The following CDHR2 variants were observed in gnomAD, a reference collection of about 807,000 sequenced individuals.
CDHR2 encodes the protein cadherin-related family member 2.
In CDHR2, 104 loss-of-function variants were observed where a neutral mutation model predicts 138.6. The observed-to-expected ratio is 0.75, with a 90% confidence interval of 0.64 to 0.88. The LOEUF is 0.88. Ranked by LOEUF, CDHR2 falls within the 40% of genes least tolerant of loss-of-function variation. The pLI, the probability that CDHR2 is intolerant of heterozygous loss-of-function variation, is 0.00. For missense variants in CDHR2, 1,624 were observed against 1,727.6 expected, an observed-to-expected ratio of 0.94 and a Z score of 1.06; for synonymous variants, 755 against 742.8, an observed-to-expected ratio of 1.02 and a Z score of -0.27.
chr5:176,571,905 T>C (rs1758244185), intron 6 of CDHR2, among the ~76,000 whole-genome samples: 1 of 152,012 alleles, frequency 6.6e-6, no homozygotes, highest in Admixed American at 6.6e-5. Context: ...TCAAATCATA[T>C]CTTGATTTGA....
In CDHR2 at chr5:176,581,404, G is replaced by GC; in HGVS notation, c.1884dup (p.Tyr629LeufsTer10). 1 of 1,614,098 alleles carries GC rather than the reference G, an allele frequency of 6.2e-7. No homozygotes were observed. Among genetic ancestry groups the GC allele is most frequent in the South Asian group, 1.1e-5 (1 of 91,084 alleles). ...CGTCTGCTCTTCAACCTGCTGCCTG[G>GC]CCCCTACAGCCACAACTTCTCCTTG... On this transcript the variant is annotated frameshift_variant, in exon 17 of 32. Transcript: ENST00000261944. LOFTEE classifies it high-confidence loss of function.
chr5:176,591,626 G>C (rs1184055577), intron 30 of CDHR2, 142 bp downstream of exon 30: 2 of 676,802 alleles, frequency 3.0e-6, no homozygotes, highest in Non-Finnish European at 2.7e-6. Context: ...TTATGGTGGT[G>C]GTGGTGATGG....
chr5:176,562,669 A>G (rs1757991635), intron 1 of CDHR2, among the ~76,000 whole-genome samples: 1 of 152,138 alleles, frequency 6.6e-6, no homozygotes. Context: ...CTAGAAAAAG[A>G]GAGGGGACCA....
chr5:176,587,769 G>A (rs984194414), intron 21 of CDHR2, among the ~76,000 whole-genome samples: 4 of 152,288 alleles, frequency 2.6e-5, no homozygotes, highest in South Asian at 4.2e-4. Context: ...ACTTAGAGCC[G>A]AGTGTAAGGA....
intron 1 of CDHR2, among the ~76,000 whole-genome samples, chr5:176,564,337 C>T (rs987685025): frequency 2.6e-5 from 4 of 152,210 alleles, no homozygotes; most frequent in Non-Finnish European, 2.9e-5. Context: ...AGGCACCCAC[C>T]ACCATGCCCG....
At chr5:176,545,842 C>T (rs1757574939), upstream of CDHR2, among the ~76,000 whole-genome samples, 1 of 152,246 alleles carries the variant, frequency 6.6e-6, no homozygotes. Context: ...CTGTGTGCTT[C>T]CCAGGCTGCC....
chr5:176,587,047 G>A (rs113641713), intron 21 of CDHR2, among the ~76,000 whole-genome samples: 4,202 of 152,332 alleles, frequency 0.028, 189 homozygotes, highest in African/African-American at 0.096. Flanking sequence ...TGTCATGACC[G>A]TAAATACCAC....
intron 16 of CDHR2, among the ~76,000 whole-genome samples, chr5:176,580,207 G>A (rs1412663700): frequency 4.0e-5 from 6 of 151,782 alleles, no homozygotes; most frequent in Non-Finnish European, 8.8e-5. Flanking sequence ...GACATACAAA[G>A]TGAGTGAAGA....
At chr5:176,573,887 G>A (rs543816341) in intron 6 of CDHR2, among the ~76,000 whole-genome samples, 196 bp from the exon 7 acceptor site, 1 of 152,262 alleles carries the variant, frequency 6.6e-6, no homozygotes, top group South Asian at 2.1e-4. Context: ...AGGCTGTGTG[G>A]GGAGGGGAGG....
In CDHR2 at chr5:176,591,343, T is replaced by C; in HGVS notation, c.3653+20T>C. The C allele has an allele frequency of 6.2e-7, 1 of 1,610,794 alleles. No individual in the cohort carries two copies. The highest frequency in any genetic ancestry group is 8.5e-7 in the Non-Finnish European group (1 of 1,177,042). ...TGAGCGGTGAGCAGGGGTCAAAGGG[T>C]AGGTAAGAGGCCTGGTGGGGTGGCT... On this transcript the variant is annotated intron_variant, in intron 29 of 31. Coordinates refer to ENST00000261944, the MANE Select transcript of CDHR2 (RefSeq NM_017675.6).
chr5:176,590,327 G>A lies in CDHR2; in HGVS notation c.3350G>A (p.Ser1117Asn), dbSNP rs141297784. The A allele has an allele frequency of 2.7e-5, 44 of 1,614,096 alleles. 1 individual carries two copies. Among genetic ancestry groups the A allele is most frequent in the African/African-American group, 5.3e-5 (4 of 74,944 alleles). ...NGSALTLDEL[S>N]VMIRNDQDSL... ...TCAGCCCTGACCCTTGATGAGCTGAGTGTGTGAGTGGGGCTGCCCTTGGGG... is the reference window on the plus strand; with the variant it reads ...TCAGCCCTGACCCTTGATGAGCTGAATGTGTGAGTGGGGCTGCCCTTGGGG... The change falls in exon 26 of 32, where the codon AGT becomes AAT. Residue 1117 changes from serine (S) to asparagine (N), a missense_variant. By Grantham distance (46) the Ser-to-Asn change is conservative. Coordinates refer to ENST00000261944, the MANE Select transcript of CDHR2 (RefSeq NM_017675.6).
chr5:176,591,571 ATGG>A (rs1339960516), intron 30 of CDHR2, 87 bp downstream of exon 30: 4 of 1,006,092 alleles, frequency 4.0e-6, no homozygotes, highest in Non-Finnish European at 6.3e-6. Flanking sequence ...GGTGGTGATG[ATGG>A]TGATGACAAT....
Position 176,555,546 on chromosome 5 carries a change from G to A in CDHR2, c.-16+6132G>A, listed in dbSNP as rs369130912. ...AGCCCTGCTGCCCCCAGTTCAGCCC[G>A]GCGACACACAGCAGCCAGAAAGGTC... On this transcript the variant is annotated intron_variant, in intron 1 of 31. Transcript: ENST00000261944. Among the ~76,000 whole-genome samples, 19 of 151,938 alleles carry A rather than the reference G, an allele frequency of 1.3e-4. 1 individual carries two copies. The highest frequency in any genetic ancestry group is 1.2e-3 in the East Asian group (6 of 5,160).
At chr5:176,550,117 G>GGGCACCA (rs1447949405) in intron 1 of CDHR2, among the ~76,000 whole-genome samples, 1 of 152,210 alleles carries the variant, frequency 6.6e-6, no homozygotes, top group Non-Finnish European at 1.5e-5. Flanking sequence ...GTGCTGGGTT[G>GGGCACCA]GGCACCAGGC....
chr5:176,572,779 T>C (rs899749329), intron 6 of CDHR2, among the ~76,000 whole-genome samples: 1 of 152,206 alleles, frequency 6.6e-6, no homozygotes, highest in African/African-American at 2.4e-5. Context: ...TGGACAGCCA[T>C]GTGAGAGGCT....
At chr5:176,588,316 ATGTG>A (rs1299094982) in intron 21 of CDHR2, among the ~76,000 whole-genome samples, 1 of 149,912 alleles carries the variant, frequency 6.7e-6, no homozygotes, top group East Asian at 2.0e-4. Context: ...GTGGGTGTGT[ATGTG>A]TGTGACTGTG....
intron 21 of CDHR2, among the ~76,000 whole-genome samples, chr5:176,588,382 TTGAG>T (rs757052841): frequency 2.0e-5 from 3 of 148,808 alleles, no homozygotes; most frequent in South Asian, 2.2e-4. Flanking sequence ...TGTGTGTGAA[TTGAG>T]TGTGTGGTGA....
At chr5:176,582,807 G>A (rs915339665) in intron 17 of CDHR2, among the ~76,000 whole-genome samples, 9 of 152,168 alleles carry the variant, frequency 5.9e-5, no homozygotes, top group Admixed American at 2.0e-4. Flanking sequence ...GGCACAGAGA[G>A]GTTCAGTACC....
rs1758916719 is a variant in CDHR2 at position 176,592,623 on chromosome 5, T to C, written c.3735-100T>C. The C allele has an allele frequency of 1.1e-5, 10 of 890,078 alleles. No individual in the cohort carries two copies. In the South Asian group the frequency reaches 1.2e-4, roughly 11 times the overall value. 55.1% of individuals were successfully genotyped at this position (890,078 alleles called of 1,614,324 possible). ...GTGGTGATGGTGATGATGGTGGTAG[T>C]CGTGGTGATGGTGATGGTGGTGATG... On this transcript the variant is annotated intron_variant, in intron 30 of 31. Coordinates refer to ENST00000261944, the MANE Select transcript of CDHR2 (RefSeq NM_017675.6).
Sources: gnomAD v4.1 joint callset for allele counts (sites outside exome capture counted in the v4.1 genomes callset) on GRCh38, gnomAD v4.1.1 for gene constraint, MANE v1.5 for transcripts, NCBI Gene and HGNC (gene_info 2026-07-23, HGNC 2026-07-21) for gene names.